PCDH15: variants seen among roughly 807,000 people sequenced by gnomAD.
PCDH15 encodes protocadherin related 15.
In PCDH15, 129 loss-of-function variants were observed where a neutral mutation model predicts 178.5. The ratio of observed to expected loss-of-function variants is 0.72; its 90% confidence interval spans 0.63 to 0.84. The LOEUF (loss-of-function observed/expected upper bound fraction) is 0.84. Among genes scored for constraint, PCDH15 ranks in the 40% least tolerant of loss-of-function variants. PCDH15 has a pLI of 0.00. For synonymous variants in PCDH15, 800 were observed against 732.0 expected, an observed-to-expected ratio of 1.09 and a Z score of -1.50; for missense variants, 2,230 against 2,099.9, an observed-to-expected ratio of 1.06 and a Z score of -1.21.
chr10:53,972,486 C>T (rs4428979), intron 21 of PCDH15, among the ~76,000 whole-genome samples: 117,858 of 152,052 alleles, frequency 0.78, 46,000 homozygotes, highest in East Asian at 1. Context: ...GAAACTACCA[C>T]CAGAATGAAC....
rs1416800048 is a variant in PCDH15, at chr10:54,816,538, G to A, written c.-29+80912C>T. ...TTTCCAAAGGAAAATGAGAAACTAA[G>A]ATATTTTTCATGCCCTTTGATTTGT... is the stretch of plus-strand genomic sequence containing the variant. On this transcript the variant is annotated intron_variant, in intron 3 of 5. Transcript: ENST00000458638. Among the ~76,000 whole-genome samples, 4 of 152,076 alleles carry A rather than the reference G, an allele frequency of 2.6e-5. No homozygotes were observed. In the East Asian group the frequency reaches 7.7e-4, roughly 29 times the overall value.
chr10:54,113,163 CCAAATT>C (rs1373919509), intron 15 of PCDH15, among the ~76,000 whole-genome samples: 2 of 151,944 alleles, frequency 1.3e-5, no homozygotes, highest in South Asian at 2.1e-4. Flanking sequence ...AGGCATTTCT[CCAAATT>C]CAAATTCAAA....
intron 1 of PCDH15, among the ~76,000 whole-genome samples, chr10:54,678,635 A>G (rs1051817583): frequency 1.3e-5 from 2 of 152,186 alleles, no homozygotes; most frequent in African/African-American, 4.8e-5. Flanking sequence ...TTTTTAATAC[A>G]TTGAATTAAA....
chr10:54,920,278 G>C (rs566062059), intron 2 of PCDH15, among the ~76,000 whole-genome samples: 1 of 152,010 alleles, frequency 6.6e-6, no homozygotes, highest in South Asian at 2.1e-4. Context: ...AGACCATCGT[G>C]GCTAACACGG....
chr10:54,020,557 A>T (rs1329286623), intron 19 of PCDH15, 141 bp from the exon 20 acceptor site: 4 of 812,476 alleles, frequency 4.9e-6, no homozygotes, highest in Non-Finnish European at 6.0e-6. Context: ...TTTGTTTTTT[A>T]AAAAAGCACA....
chr10:54,363,492 T>C (rs1044504841), intron 5 of PCDH15, among the ~76,000 whole-genome samples: 2 of 152,144 alleles, frequency 1.3e-5, no homozygotes, highest in East Asian at 1.9e-4. Context: ...AACTAACAAA[T>C]GGTAATCCAG....
chr10:54,605,356 T>C lies in PCDH15; in HGVS notation c.91+58816A>G, dbSNP rs188682273. On this transcript the variant is annotated intron_variant, in intron 2 of 37. Transcript: ENST00000644397. ...GGCAATAAACTCCCTCAGCTTTCGA[T>C]TTTTTTAATTTTGTCTTAAGTTTTA... Among the ~76,000 whole-genome samples, 362 of 152,124 alleles carry C rather than the reference T, an allele frequency of 2.4e-3. 1 individual carries two copies. The highest frequency in any genetic ancestry group is 2.3e-3 in the Non-Finnish European group (156 of 67,964).
rs140907944 is a variant in PCDH15 at position 53,969,103 on chromosome 10, A to G, written c.2869-7211T>C. 2.6e-3 allele frequency among the ~76,000 whole-genome samples: 391 copies of G among 152,184 alleles called. 2 individuals are homozygous for G. Among genetic ancestry groups the G allele is most frequent in the Non-Finnish European group, 4.4e-3 (302 of 67,996 alleles). ...TGAACCCACCACAAAGAAGCTAAAA[A>G]CCTTGAAAAAAGATTAGACAAATGG... On this transcript the variant is annotated intron_variant, in intron 21 of 37. Transcript: ENST00000644397.
chr10:55,502,967 G>A (rs1208768052), intron 2 of PCDH15, among the ~76,000 whole-genome samples: 1 of 151,428 alleles, frequency 6.6e-6, no homozygotes, highest in African/African-American at 2.4e-5. Context: ...TTCTGAAGGA[G>A]CACTTTTATG....
At position 55,186,981 on chromosome 10, in the gene PCDH15, CAT is replaced by C. The variant is rs1239164914; in HGVS notation, c.-155-20332_-155-20331del. Among the ~76,000 whole-genome samples the C allele has an allele frequency of 3.9e-5, 6 of 151,976 alleles. No individual in the cohort carries two copies. The East Asian group carries it at 7.8e-4, about 20-fold the overall frequency. On this transcript the variant is annotated intron_variant, in intron 1 of 5. Transcript: ENST00000458638. ...TTCTCAGCGTTGAATGAATAAATAA[CAT>C]AATCATTTTAAGCATTACAACAATT...
At chr10:54,231,088 C>T (rs1475979753) in intron 9 of PCDH15, among the ~76,000 whole-genome samples, 3 of 152,110 alleles carry the variant, frequency 2.0e-5, no homozygotes, top group African/African-American at 7.2e-5. Flanking sequence ...AAGGGGTCTA[C>T]AGATTATGCT....
At chr10:54,534,301 A>G (rs1457385366) in intron 2 of PCDH15, among the ~76,000 whole-genome samples, 3 of 152,182 alleles carry the variant, frequency 2.0e-5, no homozygotes, top group Admixed American at 6.5e-5. Flanking sequence ...TATTGTTATT[A>G]AGAATAAAAG....
chr10:53,851,705 T>C (rs1295227814), intron 28 of PCDH15, among the ~76,000 whole-genome samples: 2 of 91,262 alleles, frequency 2.2e-5, no homozygotes, highest in Non-Finnish European at 3.9e-5. Flanking sequence ...TATATATATA[T>C]ATATATATAT....
chr10:55,579,355 T>C (rs1842560908), intron 2 of PCDH15, among the ~76,000 whole-genome samples: 1 of 152,156 alleles, frequency 6.6e-6, no homozygotes, highest in African/African-American at 2.4e-5. Context: ...GCATTATTAG[T>C]GTAACGCTTC....
chr10:53,838,433 G>C (rs1445742698), intron 29 of PCDH15, among the ~76,000 whole-genome samples: 1 of 126,788 alleles, frequency 7.9e-6, no homozygotes, highest in Non-Finnish European at 1.6e-5. Context: ...GTATTTCATG[G>C]TGTCACTTAA....
chr10:54,827,507 T>G (rs1006000396), intron 3 of PCDH15, among the ~76,000 whole-genome samples: 21 of 152,188 alleles, frequency 1.4e-4, no homozygotes, highest in African/African-American at 4.6e-4. Flanking sequence ...CTTTTTAATT[T>G]TAATTATTTT....
intron 1 of PCDH15, among the ~76,000 whole-genome samples, chr10:55,230,517 G>A (rs1841183544): frequency 6.6e-6 from 1 of 152,004 alleles, no homozygotes; most frequent in Non-Finnish European, 1.5e-5. Context: ...TGCATGCACA[G>A]GGTGCCACAC....
At chr10:53,979,081 G>T (rs985950725) in intron 21 of PCDH15, among the ~76,000 whole-genome samples, 1 of 152,082 alleles carries the variant, frequency 6.6e-6, no homozygotes, top group Non-Finnish European at 1.5e-5. Flanking sequence ...TGCCTTTACA[G>T]CAGTGCCACT....
At chr10:54,055,871 G>T (rs1004102675) in intron 18 of PCDH15, among the ~76,000 whole-genome samples, 2 of 152,172 alleles carry the variant, frequency 1.3e-5, no homozygotes, top group African/African-American at 4.8e-5. Context: ...TTCTAACCCA[G>T]ACTGATGATT....
Sources: gnomAD v4.1 joint callset for allele counts (sites outside exome capture counted in the v4.1 genomes callset) on GRCh38, gnomAD v4.1.1 for gene constraint, MANE v1.5 for transcripts, NCBI Gene and HGNC (gene_info 2026-07-23, HGNC 2026-07-21) for gene names.